The following KLHL32 variants were observed in gnomAD, a reference collection of about 807,000 sequenced individuals.
KLHL32 encodes the protein kelch-like protein 32.
Under a neutral mutation model 64.8 loss-of-function variants are expected in KLHL32, and 35 were observed. The ratio of observed to expected loss-of-function variants is 0.54; its 90% CI spans 0.41 to 0.72. The LOEUF (loss-of-function observed/expected upper bound fraction) is 0.72, where lower values mean the gene tolerates loss of function less well. Among genes scored for constraint, KLHL32 ranks in the 30% least tolerant of loss-of-function variants. The pLI is 0.00. For missense variants in KLHL32, 589 were observed against 768.5 expected (o/e 0.77, Z 2.76); for synonymous variants, 259 against 281.0 (o/e 0.92, Z 0.78).
At chr6:96,912,307 G>A in the KLHL32 span, among the ~76,000 whole-genome samples, 1 of 152,080 alleles carries the variant, frequency 6.6e-6, no homozygotes, top group African/African-American at 2.4e-5. Context: ...TTTAAAGTAA[G>A]CCAACTTGCT....
chr6:96,940,966 G>T (rs1444241231), intron 1 of KLHL32, among the ~76,000 whole-genome samples: 2 of 152,192 alleles, frequency 1.3e-5, no homozygotes, highest in Admixed American at 1.3e-4. Flanking sequence ...CGTAATAGAT[G>T]ATGTGAAATG....
chr6:96,936,234 T>A (rs1200827330), intron 1 of KLHL32, among the ~76,000 whole-genome samples: 7 of 152,202 alleles, frequency 4.6e-5, no homozygotes, highest in African/African-American at 1.7e-4. Context: ...GGATTTTAAA[T>A]AGACATGTCT....
intron 1 of KLHL32, among the ~76,000 whole-genome samples, chr6:96,962,169 G>A (rs543944008): frequency 6.6e-6 from 1 of 152,190 alleles, no homozygotes; most frequent in African/African-American, 2.4e-5. Flanking sequence ...TTTTGTCTGT[G>A]TAAATATATT....
chr6:96,901,377 C>G, the KLHL32 span, among the ~76,000 whole-genome samples: 971 of 151,440 alleles, frequency 6.4e-3, 20 homozygotes, highest in African/African-American at 0.022. Context: ...CTAGAGACTT[C>G]CCGCATTTCT....
chr6:96,916,371 C>T, the KLHL32 span, among the ~76,000 whole-genome samples: 3 of 144,928 alleles, frequency 2.1e-5, no homozygotes, highest in African/African-American at 7.8e-5. Context: ...GAAGTACAGT[C>T]TTTCTCAGGA....
rs186268682 is a variant in KLHL32, at chr6:96,938,811, G to T, written c.-66+13785G>T. On this transcript the variant is annotated intron_variant, in intron 1 of 10. Transcript: ENST00000369261. Reference sequence around the variant, plus strand: ...TACACCCACCCTGCAGTATAATCATGTGACCCACATGCAGTGATGTATGTA... The same window carrying T: ...TACACCCACCCTGCAGTATAATCATTTGACCCACATGCAGTGATGTATGTA... 2.0e-5 allele frequency among the ~76,000 whole-genome samples: 3 copies of T among 152,274 alleles called. No homozygotes were observed. The East Asian group carries it at 5.8e-4, about 29-fold the overall frequency.
intron 6 of KLHL32, among the ~76,000 whole-genome samples, chr6:97,088,783 A>T (rs1053540922): frequency 3.3e-5 from 5 of 152,238 alleles, no homozygotes. Flanking sequence ...TCATAAAAAA[A>T]ACTTAGAACA....
intron 4 of KLHL32, among the ~76,000 whole-genome samples, chr6:97,063,978 A>G (rs559873852): frequency 5.7e-4 from 87 of 152,326 alleles, no homozygotes; most frequent in South Asian, 1.7e-3. Context: ...AAAAATTGGT[A>G]TCACCAGGAT....
At chr6:97,117,255 T>A (rs1178460343) in intron 7 of KLHL32, among the ~76,000 whole-genome samples, 1 of 152,230 alleles carries the variant, frequency 6.6e-6, no homozygotes, top group Non-Finnish European at 1.5e-5. Flanking sequence ...CTATTCCTTA[T>A]CCTTTACCAA....
At chr6:96,999,208 C>T (rs570445967) in intron 3 of KLHL32, among the ~76,000 whole-genome samples, 3 of 152,176 alleles carry the variant, frequency 2.0e-5, no homozygotes, top group South Asian at 4.2e-4. Context: ...CCAGCCTATG[C>T]GACATAGGGA....
chr6:96,943,069 A>T (rs1181052408), intron 1 of KLHL32, among the ~76,000 whole-genome samples: 6 of 144,502 alleles, frequency 4.2e-5, no homozygotes, highest in South Asian at 2.2e-4. Context: ...ACACACACAC[A>T]CTCTGTACAT....
At chr6:96,903,279 C>T in the KLHL32 span, among the ~76,000 whole-genome samples, 15 of 151,520 alleles carry the variant, frequency 9.9e-5, no homozygotes, top group East Asian at 2.7e-3. Flanking sequence ...AATATATATA[C>T]AATTATAATA....
At chr6:97,036,566 G>A (rs1433992323) in intron 3 of KLHL32, among the ~76,000 whole-genome samples, 1 of 152,182 alleles carries the variant, frequency 6.6e-6, no homozygotes, top group African/African-American at 2.4e-5. Context: ...TGGGTGGGGT[G>A]TGTGGTGGTT....
At chr6:96,942,512 G>A (rs1355402913) in intron 1 of KLHL32, among the ~76,000 whole-genome samples, 2 of 152,124 alleles carry the variant, frequency 1.3e-5, no homozygotes, top group Non-Finnish European at 2.9e-5. Context: ...GTTATCTTAT[G>A]TGTGTTTTCT....
intron 3 of KLHL32, among the ~76,000 whole-genome samples, chr6:97,010,510 C>T (rs1204350381): frequency 6.6e-6 from 1 of 152,098 alleles, no homozygotes; most frequent in African/African-American, 2.4e-5. Flanking sequence ...GTGCATTGTT[C>T]CCCTTAACTA....
At chr6:96,994,861 T>C (rs963868504) in intron 3 of KLHL32, among the ~76,000 whole-genome samples, 2 of 152,212 alleles carry the variant, frequency 1.3e-5, no homozygotes, top group African/African-American at 4.8e-5. Context: ...TGCAAAGTAG[T>C]TGTGGAAAGA....
Position 97,040,136 on chromosome 6 carries a change from A to G in KLHL32, c.205-1356A>G, listed in dbSNP as rs144151866. Among the ~76,000 whole-genome samples, 15 of 152,228 alleles carry G rather than the reference A, an allele frequency of 9.9e-5. No individual in the cohort carries two copies. The East Asian group carries it at 2.9e-3, about 29-fold the overall frequency. On this transcript the variant is annotated intron_variant, in intron 3 of 10. Coordinates refer to ENST00000369261, the MANE Select transcript of KLHL32 (RefSeq NM_052904.4). ...AAATTCAGCATGAACTAAATACCAC[A>G]TAGCATAGTGAGGTTTTTTTGGTTT...
At chr6:97,092,825 G>C (rs1318513288) in intron 6 of KLHL32, among the ~76,000 whole-genome samples, 1 of 152,122 alleles carries the variant, frequency 6.6e-6, no homozygotes, top group Non-Finnish European at 1.5e-5. Context: ...ATTTCAGAGG[G>C]GCTTTGCTCC....
chr6:97,011,006 C>T (rs149469676), intron 3 of KLHL32, among the ~76,000 whole-genome samples: 1,623 of 152,264 alleles, frequency 0.011, 11 homozygotes, highest in Admixed American at 0.016. Flanking sequence ...TACCTAACAG[C>T]CTGCTCAGAA....
Sources: allele counts gnomAD v4.1 joint callset (sites outside exome capture counted in the v4.1 genomes callset), GRCh38; gene constraint gnomAD v4.1.1; transcripts MANE v1.5; gene names NCBI Gene and HGNC (gene_info 2026-07-23, HGNC 2026-07-21).